Variants in TNC observed in about 807,000 individuals in gnomAD.
The protein encoded by TNC is tenascin.
TNC carries 109 observed loss-of-function variants against 202.4 expected under a neutral mutation model. The observed-to-expected ratio is 0.54, with a 90% CI of 0.46 to 0.63. TNC has a LOEUF of 0.63. Ranked by LOEUF, TNC falls within the 30% of genes least tolerant of loss-of-function variation. The pLI, the probability that TNC is intolerant of heterozygous loss-of-function variation, is 0.00. For missense variants in TNC, 2,756 were observed against 2,833.3 expected, an observed-to-expected ratio of 0.97 and a Z score of 0.62; for synonymous variants, 1,007 against 1,089.7, an observed-to-expected ratio of 0.92 and a Z score of 1.50.
At chr9:115,097,465 C>T (rs1380250769) in intron 1 of TNC, among the ~76,000 whole-genome samples, 1 of 152,144 alleles carries the variant, frequency 6.6e-6, no homozygotes, top group Admixed American at 6.5e-5. Flanking sequence ...CAGGGAGATA[C>T]ATTCATGATT....
chr9:115,094,060 C>T (rs1835431020), intron 1 of TNC, among the ~76,000 whole-genome samples: 1 of 152,178 alleles, frequency 6.6e-6, no homozygotes, highest in South Asian at 2.1e-4. Context: ...AGCTACTTAT[C>T]CTCTCTAAAC....
rs1833867459 is a variant in TNC at position 115,076,472 on chromosome 9, C to A, written c.2778G>T (p.Lys926Asn). ...GGTCCCCTCCAGAGATGGGGGCATA[C>A]TTAATTCTGTAACTGTCAATAGCTG... is the stretch of plus-strand genomic sequence containing the variant. ...GKAAIDSYRI[K>N]YAPISGGDHA... The change falls in exon 8 of 28, where the codon AAG (lysine) becomes AAT (asparagine). Residue 926 changes from lysine to asparagine, a missense_variant. This residue lies in a region of TNC where 2,559 missense variants were observed against 2,546.0 expected (regional missense o/e 1.01). Transcript: ENST00000350763. The A allele has an allele frequency of 4.3e-6, 7 of 1,614,210 alleles. No homozygotes were observed. Among genetic ancestry groups the A allele is most frequent in the Non-Finnish European group, 5.9e-6 (7 of 1,180,056 alleles).
At chr9:115,031,191 G>T (rs546116267) in intron 23 of TNC, among the ~76,000 whole-genome samples, 7 of 152,330 alleles carry the variant, frequency 4.6e-5, no homozygotes, top group African/African-American at 7.2e-5. Flanking sequence ...CACATACTGG[G>T]CTAGGAGTTC....
chr9:115,021,357 T>C, intron 27 of TNC, 90 bp from the exon 28 acceptor site: 1 of 853,498 alleles, frequency 1.2e-6, no homozygotes, highest in Non-Finnish European at 1.9e-6. Context: ...ATCATTGCTA[T>C]TTAGTCATTC....
chr9:115,035,110 G>C, intron 22 of TNC, 94 bp downstream of exon 22: 7 of 1,418,432 alleles, frequency 4.9e-6, no homozygotes, highest in Non-Finnish European at 6.6e-6. Flanking sequence ...AGATGCACTG[G>C]GGTAGAAAAA....
chr9:115,108,812 C>T (rs1180156028), intron 1 of TNC, among the ~76,000 whole-genome samples: 4 of 152,290 alleles, frequency 2.6e-5, no homozygotes, highest in South Asian at 4.1e-4. Flanking sequence ...CCCCATAGAG[C>T]TGCCTTATGT....
At position 115,029,379 on chromosome 9, in the gene TNC, G is replaced by A. The variant is rs758919373; in HGVS notation, c.6150C>T (p.Arg2050=). 17 of 1,613,938 alleles carry A rather than the reference G, an allele frequency of 1.1e-5. No individual in the cohort carries two copies. The highest frequency in any genetic ancestry group is 1.7e-5 in the Admixed American group (1 of 60,002). ...CATTACCAAGCCAGAATTCTTCTCT[G>A]CGGTCCCCAAATCCAGCAGCATATG... The part of the protein sequence containing the change: ...WKAYAAGFGD[R]REEFWLGLDN... Residue 2050 remains arginine (R), a synonymous_variant, in exon 25 of 28, where the codon CGC becomes CGT. Transcript: ENST00000350763.
At chr9:115,027,481 C>G (rs898583314) in intron 25 of TNC, among the ~76,000 whole-genome samples, 5 of 151,208 alleles carry the variant, frequency 3.3e-5, no homozygotes, top group African/African-American at 9.7e-5. Context: ...TCTCAGCTAC[C>G]TGGGGGGCTG....
At position 115,073,741 on chromosome 9, in the gene TNC, A is replaced by G; in HGVS notation, c.3076T>C (p.Trp1026Arg). 1 of 1,614,074 alleles carries G rather than the reference A, an allele frequency of 6.2e-7. No individual in the cohort carries two copies. The highest frequency in any genetic ancestry group is 8.5e-7 in the Non-Finnish European group (1 of 1,179,986). ...RLNYSLPTGQ[W>R]VGVQLPRNTT... Reference sequence around the variant, plus strand: ...TTTCTTGGAAGCTGCACTCCCACCCACTGGCCTGTGGGGAGACTGTAATTG... The same window carrying G: ...TTTCTTGGAAGCTGCACTCCCACCCGCTGGCCTGTGGGGAGACTGTAATTG... The change falls in exon 10 of 28, where the codon TGG becomes CGG. Residue 1026 changes from tryptophan to arginine, a missense_variant. Physicochemically the swap from Trp to Arg is moderately radical, Grantham distance 101. Coordinates refer to ENST00000350763, the MANE Select transcript of TNC (RefSeq NM_002160.4).
chr9:115,092,693 C>T (rs778435168), intron 1 of TNC, among the ~76,000 whole-genome samples: 1 of 152,160 alleles, frequency 6.6e-6, no homozygotes, highest in Non-Finnish European at 1.5e-5. Flanking sequence ...CCTGCCTCAG[C>T]CTCCCAAGTA....
chr9:115,026,594 T>C lies in TNC; in HGVS notation c.6271A>G (p.Ser2091Gly), dbSNP rs748060642. ...TAGCGAGTCTTGGCATCTCCCACGC[T>C]GAACTTGTCATAGACAGCAAAGGCT... The part of the protein sequence containing the change: ...ETAFAVYDKF[S>G]VGDAKTRYKL... Residue 2091 changes from serine (S) to glycine (G), a missense_variant, in exon 26 of 28, where the codon AGC (serine) becomes GGC (glycine). Ser to Gly is a moderately conservative substitution (Grantham distance 56). This residue lies in a region of TNC where 197 missense variants were observed against 287.3 expected (regional missense o/e 0.69). Transcript: ENST00000350763. 25 of 1,613,948 alleles carry C rather than the reference T, an allele frequency of 1.5e-5. No homozygotes were observed. The Middle Eastern group carries it at 9.9e-4, about 64-fold the overall frequency.
At chr9:115,061,296 T>A (rs747948139) in intron 13 of TNC, among the ~76,000 whole-genome samples, 5 of 152,214 alleles carry the variant, frequency 3.3e-5, no homozygotes, top group Admixed American at 1.3e-4. Flanking sequence ...TCCACATAGA[T>A]CTGGGGCTTT....
At chr9:115,030,868 C>A (rs1308879154) in intron 23 of TNC, among the ~76,000 whole-genome samples, 5 of 152,214 alleles carry the variant, frequency 3.3e-5, no homozygotes, top group African/African-American at 1.2e-4. Flanking sequence ...AATGGAACAA[C>A]TTGCAGGTTT....
In TNC at chr9:115,086,227, G is replaced by A. The variant is rs1203940011; in HGVS notation, c.1504C>T (p.Pro502Ser). 2.5e-6 allele frequency: 4 copies of A among 1,614,188 alleles called. 1 individual carries two copies. In the Admixed American group the frequency reaches 6.7e-5, roughly 27 times the overall value. ...TGEDCRDRQCPRDCSNRGLCV... is the reference protein window; with the variant it reads ...TGEDCRDRQCSRDCSNRGLCV... ...AGGCCCCTGTTGCTGCAGTCCCTGG[G>A]GCATTGGCGATCCCGGCAGTCTTCC... is the stretch of plus-strand genomic sequence containing the variant. Residue 502 changes from proline to serine, a missense_variant, in exon 3 of 28, where the codon CCC becomes TCC. Pro to Ser is a moderately conservative substitution (Grantham distance 74). Coordinates refer to ENST00000350763, the MANE Select transcript of TNC (RefSeq NM_002160.4).
chr9:115,057,091 G>C, intron 15 of TNC, 62 bp downstream of exon 15: 2 of 1,539,854 alleles, frequency 1.3e-6, no homozygotes, highest in Non-Finnish European at 1.8e-6. Context: ...AGAAGGAGAG[G>C]CTTCACCCTG....
chr9:115,045,173 C>G (rs768171002), intron 17 of TNC, among the ~76,000 whole-genome samples: 1 of 152,140 alleles, frequency 6.6e-6, no homozygotes, highest in Non-Finnish European at 1.5e-5. Context: ...CCTTTTATCT[C>G]TCCTGGTGAT....
chr9:115,062,890 C>G (rs753405627), intron 13 of TNC, 27 bp downstream of exon 13: 1 of 1,598,786 alleles, frequency 6.3e-7, no homozygotes. Flanking sequence ...CCTATCATGT[C>G]TCCAGTCTGG....
intron 17 of TNC, among the ~76,000 whole-genome samples, chr9:115,045,065 A>G (rs1345333858): frequency 6.6e-6 from 1 of 152,138 alleles, no homozygotes; most frequent in Non-Finnish European, 1.5e-5. Flanking sequence ...TTTACTCCAA[A>G]TCTAGCTCTA....
Position 115,081,809 on chromosome 9 carries a change from A to G in TNC, c.2367T>C (p.Asn789=), listed in dbSNP as rs184395465. ...YEISLHIVKN[N]TRGPGLKRVT... is the part of the protein sequence containing the mutation. The stretch of plus-strand genomic sequence containing the variant: ...CCCTCTTCAGGCCAGGGCCCCGGGT[A>G]TTGTTTTTCACTATGTGCAGAGATA... Residue 789 remains asparagine, a synonymous_variant, in exon 6 of 28, where the codon AAT becomes AAC. Coordinates refer to ENST00000350763, the MANE Select transcript of TNC (RefSeq NM_002160.4). 2 of 1,613,554 alleles carry G rather than the reference A, an allele frequency of 1.2e-6. No homozygotes were observed. The highest frequency in any genetic ancestry group is 1.7e-6 in the Non-Finnish European group (2 of 1,179,860).
Sources: gnomAD v4.1 joint callset for allele counts (sites outside exome capture counted in the v4.1 genomes callset) on GRCh38, gnomAD v4.1.1 for gene constraint, gnomAD v4.1.1 regional missense constraint, MANE v1.5 for transcripts, NCBI Gene and HGNC (gene_info 2026-07-23, HGNC 2026-07-21) for gene names.